Variants in PDZD2 observed in about 807,000 individuals in gnomAD.
PDZD2 encodes the protein PDZ domain-containing protein 2.
Under a neutral mutation model 220.7 loss-of-function variants are expected in PDZD2, and 90 were observed. The ratio of observed to expected loss-of-function variants is 0.41; its 90% CI spans 0.34 to 0.49. PDZD2 has a LOEUF of 0.49. Among genes scored for constraint, PDZD2 ranks in the 20% least tolerant of loss-of-function variants. The probability of loss-of-function intolerance (pLI) is 0.28; values close to 1 mark genes in which losing one functional copy is unlikely to be tolerated. For synonymous variants in PDZD2, 1,375 were observed against 1,450.5 expected, an observed-to-expected ratio of 0.95 and a Z score of 1.18; for missense variants, 3,174 against 3,608.5, an observed-to-expected ratio of 0.88 and a Z score of 3.08.
intron 7 of PDZD2, 51 bp from the exon 8 acceptor site, chr5:32,048,488 C>T (rs747711296): frequency 2.1e-5 from 32 of 1,523,622 alleles, no homozygotes; most frequent in Admixed American, 6.7e-5. Context: ...GATGTGCTTA[C>T]GATTCTTTTT....
rs530416771 is a variant in PDZD2 at position 31,817,042 on chromosome 5, C to T, written c.476+17318C>T. On this transcript the variant is annotated intron_variant, in intron 2 of 24. Transcript: ENST00000438447. ...ACTAAAAATACAAAAAAACATTAGC[C>T]GGGCATGGTGACGGGTGCCTGTAGT... Among the ~76,000 whole-genome samples the T allele has an allele frequency of 7.2e-5, 11 of 152,090 alleles. No individual in the cohort carries two copies. In the South Asian group the frequency reaches 2.1e-3, roughly 29 times the overall value.
At position 32,090,713 on chromosome 5, in the gene PDZD2, C is replaced by G. The variant is rs780872780; in HGVS notation, c.7265C>G (p.Thr2422Arg). 6.2e-7 allele frequency: 1 copy of G among 1,614,190 alleles called. No homozygotes were observed. Among genetic ancestry groups the G allele is most frequent in the South Asian group, 1.1e-5 (1 of 91,080 alleles). The change falls in exon 20 of 25, where the codon ACA (threonine) becomes AGA (arginine). Residue 2422 changes from threonine (T) to arginine (R), a missense_variant. Physicochemically the swap from Thr to Arg is moderately conservative, Grantham distance 71 (BLOSUM62 -1). Coordinates refer to ENST00000438447, the MANE Select transcript of PDZD2 (RefSeq NM_178140.4). The surrounding 1 kb of genome is among the most constrained non-coding windows in gnomAD (Gnocchi z 4.3). ...PQMAKSPSIMTLTISRQNPPE... is the reference protein window; with the variant it reads ...PQMAKSPSIMRLTISRQNPPE... ...ATGGCCAAGTCTCCCTCAATCATGA[C>G]ACTGACCATCTCTCGGCAGAACCCA...
At chr5:31,686,539 G>A (rs1340494787) in intron 1 of PDZD2, among the ~76,000 whole-genome samples, 1 of 151,706 alleles carries the variant, frequency 6.6e-6, no homozygotes, top group African/African-American at 2.4e-5. Context: ...GAATTTTTTT[G>A]TATTTTTAGT....
At chr5:31,985,130 G>T (rs1390125517) in intron 3 of PDZD2, among the ~76,000 whole-genome samples, 1 of 144,342 alleles carries the variant, frequency 6.9e-6, no homozygotes, top group Admixed American at 6.8e-5. Flanking sequence ...AAAAAAAAAA[G>T]ATTATAATAT....
rs1746138364 is a variant in PDZD2 at position 31,669,677 on chromosome 5, G to A, written c.-361+30240G>A. 2.0e-5 allele frequency among the ~76,000 whole-genome samples: 3 copies of A among 152,158 alleles called. No homozygotes were observed. In the East Asian group the frequency reaches 5.8e-4, roughly 29 times the overall value. Reference sequence around the variant, plus strand: ...TAACAGAGGTGGGATCAATCAACAGGAAAAATTATTAGGAGCATTTGTAAA... The same window carrying A: ...TAACAGAGGTGGGATCAATCAACAGAAAAAATTATTAGGAGCATTTGTAAA... On this transcript the variant is annotated intron_variant, in intron 1 of 24. Coordinates refer to ENST00000438447, the MANE Select transcript of PDZD2 (RefSeq NM_178140.4).
intron 10 of PDZD2, among the ~76,000 whole-genome samples, chr5:32,056,731 T>C (rs1739120007): frequency 6.6e-6 from 1 of 152,194 alleles, no homozygotes; most frequent in Non-Finnish European, 1.5e-5. Flanking sequence ...TGCAGTCATC[T>C]CTGAGATAGA....
chr5:31,948,744 T>A (rs908753323), intron 2 of PDZD2, among the ~76,000 whole-genome samples: 2 of 152,148 alleles, frequency 1.3e-5, no homozygotes, highest in Admixed American at 1.3e-4. Flanking sequence ...GTCATGTGAT[T>A]CTGTAACAGT....
Position 31,696,663 on chromosome 5 carries a change from G to A in PDZD2, c.-361+57226G>A, listed in dbSNP as rs140513720. ...GAGACTTGAGGGGCTTCGGCAAGTTGCAATGGTTCTCTCCCTTGCTGTCTT... is the reference window on the plus strand; with the variant it reads ...GAGACTTGAGGGGCTTCGGCAAGTTACAATGGTTCTCTCCCTTGCTGTCTT... On this transcript the variant is annotated intron_variant, in intron 1 of 24. Transcript: ENST00000438447. 7.9e-5 allele frequency among the ~76,000 whole-genome samples: 12 copies of A among 152,284 alleles called. No homozygotes were observed. In the East Asian group the frequency reaches 2.3e-3, roughly 29 times the overall value.
In PDZD2 at chr5:32,060,943, ATT is replaced by A. The variant is rs1192548937; in HGVS notation, c.2319-56_2319-55del. 3 of 1,571,588 alleles carry A rather than the reference ATT, an allele frequency of 1.9e-6. No individual in the cohort carries two copies. The East Asian group carries it at 6.7e-5, about 35-fold the overall frequency. On this transcript the variant is annotated intron_variant, in intron 13 of 24. Coordinates refer to ENST00000438447, the MANE Select transcript of PDZD2 (RefSeq NM_178140.4). ...ATAAACCTCTCCTAGCAAGAAGGCT[ATT>A]TTAGCTTTAAGAAGCTGGCTGCTAA... is the stretch of plus-strand genomic sequence containing the variant.
At chr5:32,058,362 T>TA (rs775748379) in intron 12 of PDZD2, among the ~76,000 whole-genome samples, 3,385 of 131,880 alleles carry the variant, frequency 0.026, 94 homozygotes, top group African/African-American at 0.069. Context: ...GGCTTGTGTT[T>TA]AAAAAAAAAA....
chr5:31,834,628 G>A (rs1377665262), intron 2 of PDZD2, among the ~76,000 whole-genome samples: 2 of 151,856 alleles, frequency 1.3e-5, no homozygotes, highest in African/African-American at 4.8e-5. Flanking sequence ...AAGCCCCACA[G>A]GTGGTAGATG....
At chr5:31,674,124 G>A (rs142134493) in intron 1 of PDZD2, among the ~76,000 whole-genome samples, 7 of 152,246 alleles carry the variant, frequency 4.6e-5, no homozygotes, top group Middle Eastern at 3.4e-3. Context: ...AATACATTTC[G>A]GTTGTTGATA....
intron 14 of PDZD2, among the ~76,000 whole-genome samples, chr5:32,064,391 G>A (rs917733183): frequency 6.6e-6 from 1 of 151,832 alleles, no homozygotes; most frequent in Non-Finnish European, 1.5e-5. Context: ...ATAGGCGGGC[G>A]CTGCCACGCT....
chr5:31,870,838 G>A (rs901697575), intron 2 of PDZD2, among the ~76,000 whole-genome samples: 14 of 146,140 alleles, frequency 9.6e-5, no homozygotes, highest in Non-Finnish European at 3.0e-5. Flanking sequence ...GCAGTGAGTG[G>A]AAATCACACC....
intron 2 of PDZD2, among the ~76,000 whole-genome samples, chr5:31,813,277 C>A (rs1295416008): frequency 6.6e-6 from 1 of 151,820 alleles, no homozygotes; most frequent in African/African-American, 2.4e-5. Context: ...GGTGAAACCC[C>A]GTCTCTACTA....
intron 2 of PDZD2, among the ~76,000 whole-genome samples, chr5:31,849,973 TATATACATATA>T (rs1757886128): frequency 2.8e-5 from 1 of 35,116 alleles, no homozygotes; most frequent in South Asian, 8.1e-4. Flanking sequence ...CACATATATA[TATATACATATA>T]TATATATACA....
intron 9 of PDZD2, 45 bp downstream of exon 9, chr5:32,052,775 A>G (rs760014014): frequency 1.0e-5 from 16 of 1,588,308 alleles, no homozygotes; most frequent in Non-Finnish European, 1.2e-5. Flanking sequence ...GGTGAATCTT[A>G]GCACACATTT....
intron 1 of PDZD2, among the ~76,000 whole-genome samples, chr5:31,784,616 G>A (rs1753266267): frequency 6.6e-6 from 1 of 152,218 alleles, no homozygotes; most frequent in South Asian, 2.1e-4. Flanking sequence ...TAAGAAGTTA[G>A]TGATGCCTGA....
chr5:32,077,387 C>T, intron 18 of PDZD2, 75 bp from the exon 19 acceptor site: 1 of 1,492,052 alleles, frequency 6.7e-7, no homozygotes. Context: ...GCTCTGCTCT[C>T]TATATATGAT....
Sources: gnomAD v4.1 joint callset for allele counts (sites outside exome capture counted in the v4.1 genomes callset) on GRCh38, gnomAD v4.1.1 for gene constraint, Gnocchi (gnomAD v3.1) non-coding constraint, MANE v1.5 for transcripts, NCBI Gene and HGNC (gene_info 2026-07-23, HGNC 2026-07-21) for gene names.